The following MSI1 variants were observed in gnomAD, a reference collection of about 807,000 sequenced individuals.
The protein encoded by MSI1 is RNA-binding protein Musashi homolog 1.
A neutral mutation model predicts 54.4 loss-of-function variants in MSI1; 15 were observed. The ratio of observed to expected loss-of-function variants is 0.28; its 90% CI spans 0.18 to 0.42. The LOEUF (loss-of-function observed/expected upper bound fraction) is 0.42, where lower values mean the gene tolerates loss of function less well. Among genes scored for constraint, MSI1 ranks in the 20% least tolerant of loss-of-function variants. The pLI is 1.00. For synonymous variants in MSI1, 200 were observed against 196.5 expected, an observed-to-expected ratio of 1.02 and a Z score of -0.15; for missense variants, 304 against 506.0, an observed-to-expected ratio of 0.60 and a Z score of 3.83.
At chr12:120,355,268 G>A (rs1159234395) in intron 9 of MSI1, among the ~76,000 whole-genome samples, 4 of 151,620 alleles carry the variant, frequency 2.6e-5, no homozygotes, top group South Asian at 2.1e-4. Flanking sequence ...AGCTGGGCAC[G>A]GTGGCGGGCG....
At position 120,354,713 on chromosome 12, in the gene MSI1, G is replaced by A. The variant is rs114813875; in HGVS notation, c.653-1334C>T. Reference sequence around the variant, plus strand: ...CCCAAAGTGCTGGGATTACAGGCGTGAGCCAAGGTGCCTAACTTCTTTTTC... The same window carrying A: ...CCCAAAGTGCTGGGATTACAGGCGTAAGCCAAGGTGCCTAACTTCTTTTTC... On this transcript the variant is annotated intron_variant, in intron 9 of 14. Transcript: ENST00000257552. Among the ~76,000 whole-genome samples, 1,068 of 152,326 alleles carry A rather than the reference G, an allele frequency of 7.0e-3. 11 individuals are homozygous for A. Among genetic ancestry groups the A allele is most frequent in the African/African-American group, 0.024 (1,007 of 41,570 alleles).
At chr12:120,347,031 C>T (rs1175501504) in intron 12 of MSI1, among the ~76,000 whole-genome samples, 1 of 152,020 alleles carries the variant, frequency 6.6e-6, no homozygotes, top group Non-Finnish European at 1.5e-5. Context: ...CTCACTGCAA[C>T]CTCCGCCTCC....
chr12:120,365,332 G>A (rs893424740), intron 4 of MSI1, among the ~76,000 whole-genome samples: 2 of 152,144 alleles, frequency 1.3e-5, no homozygotes, highest in Non-Finnish European at 2.9e-5. Context: ...AAGTTCACCT[G>A]CAAAATGGGC....
At chr12:120,360,433 G>A (rs1875535083) in intron 6 of MSI1, among the ~76,000 whole-genome samples, 1 of 152,158 alleles carries the variant, frequency 6.6e-6, no homozygotes. Context: ...AGGCAACAAG[G>A]TCCCTGGAGA....
At chr12:120,351,443 C>T (rs769887827) in intron 10 of MSI1, 43 bp from the exon 11 acceptor site, 2 of 1,593,180 alleles carry the variant, frequency 1.3e-6, no homozygotes, top group Non-Finnish European at 1.7e-6. Context: ...GCAGGGGAGG[C>T]CCCTTGGACA....
intron 14 of MSI1, among the ~76,000 whole-genome samples, chr12:120,344,202 C>T (rs189384977): frequency 1.3e-4 from 20 of 152,302 alleles, no homozygotes; most frequent in Admixed American, 8.5e-4. Context: ...TGTACACACA[C>T]TAATTTGTTT....
At chr12:120,354,296 T>C (rs980037274) in intron 9 of MSI1, among the ~76,000 whole-genome samples, 1 of 152,208 alleles carries the variant, frequency 6.6e-6, no homozygotes, top group African/African-American at 2.4e-5. Context: ...ATGATTTCTT[T>C]AAGTGCTGAT....
intron 9 of MSI1, among the ~76,000 whole-genome samples, chr12:120,355,701 G>C (rs1359129786): frequency 1.3e-5 from 2 of 152,346 alleles, no homozygotes; most frequent in African/African-American, 4.8e-5. Context: ...TCTGATAACA[G>C]GGTATATGGA....
intron 4 of MSI1, among the ~76,000 whole-genome samples, chr12:120,365,501 C>T (rs868474102): frequency 1.3e-5 from 2 of 152,168 alleles, no homozygotes; most frequent in African/African-American, 4.8e-5. Context: ...GCCTTCCTTG[C>T]GTAACTGACT....
chr12:120,347,382 T>G (rs1315057067), intron 12 of MSI1, 64 bp downstream of exon 12: 4 of 1,590,148 alleles, frequency 2.5e-6, no homozygotes, highest in Non-Finnish European at 3.4e-6. Context: ...CCTTCTCCCC[T>G]CCCCTGGACT....
At chr12:120,362,900 G>A in intron 6 of MSI1, 143 bp downstream of exon 6, 1 of 701,412 alleles carries the variant, frequency 1.4e-6, no homozygotes, top group Non-Finnish European at 2.5e-6. Flanking sequence ...AGGTGGATTG[G>A]CCTGGTCTGC....
chr12:120,344,898 C>A (rs558204442), intron 14 of MSI1, among the ~76,000 whole-genome samples: 1 of 151,694 alleles, frequency 6.6e-6, no homozygotes, highest in South Asian at 2.1e-4. Context: ...TGCCTGTAAT[C>A]CCAGCTACTC....
intron 12 of MSI1, among the ~76,000 whole-genome samples, chr12:120,347,106 C>T (rs1403936744): frequency 7.9e-5 from 12 of 152,188 alleles, no homozygotes; most frequent in East Asian, 1.9e-4. Flanking sequence ...CGCACCACCA[C>T]GCCCAGCTAA....
downstream of MSI1, among the ~76,000 whole-genome samples, chr12:120,341,161 C>T (rs751505442): frequency 5.3e-5 from 8 of 152,202 alleles, no homozygotes; most frequent in Non-Finnish European, 1.0e-4. Flanking sequence ...GCTGGGATTA[C>T]AGGCATGAGC....
At position 120,351,709 on chromosome 12, in the gene MSI1, CTCT is replaced by C. The variant is rs1216718406; in HGVS notation, c.734-312_734-310del. On this transcript the variant is annotated intron_variant, in intron 10 of 14. Coordinates refer to ENST00000257552, the MANE Select transcript of MSI1 (RefSeq NM_002442.4). ...GTTTCTTTTCTTTTTCTTTCTTTCTCTCTTTTTTTTTTTTTTTGAAATGGAGTC... is the reference window on the plus strand; with the variant it reads ...GTTTCTTTTCTTTTTCTTTCTTTCTCTTTTTTTTTTTTTTGAAATGGAGTC... Among the ~76,000 whole-genome samples, 9 of 117,370 alleles carry C rather than the reference CTCT, an allele frequency of 7.7e-5. No homozygotes were observed. In the South Asian group the frequency reaches 9.6e-4, roughly 13 times the overall value. The allele number at this position is 117,370 out of a possible 152,430, so 77.0% of individuals were successfully genotyped here.
chr12:120,368,722 A>G lies in MSI1; in HGVS notation c.100+111T>C, dbSNP rs1304630511. The G allele has an allele frequency of 9.1e-6, 9 of 992,988 alleles. No individual in the cohort carries two copies. Among genetic ancestry groups the G allele is most frequent in the African/African-American group, 1.7e-5 (1 of 57,716 alleles). The allele number at this position is 992,988 out of a possible 1,614,324, so 61.5% of individuals were successfully genotyped here. A position where few individuals can be genotyped will look rare whatever the true frequency, so the allele number is the denominator to read the frequency against. The stretch of plus-strand genomic sequence containing the variant: ...CGGGCGGGGCGCGAAAGAGGGCGCG[A>G]GGGCGCCCGGGGTCAGCAGGGCGCA... On this transcript the variant is annotated intron_variant, in intron 2 of 14. Transcript: ENST00000257552. This position sits in a 1 kb window ranked among gnomAD's most constrained non-coding sequence, Gnocchi z 6.6.
intron 14 of MSI1, among the ~76,000 whole-genome samples, chr12:120,344,414 T>A (rs1205217230): frequency 6.6e-6 from 1 of 152,122 alleles, no homozygotes; most frequent in African/African-American, 2.4e-5. Flanking sequence ...ACTTAAAAAA[T>A]CTTTGTGGCT....
intron 4 of MSI1, among the ~76,000 whole-genome samples, chr12:120,367,315 T>C (rs1171665534): frequency 1.3e-5 from 2 of 152,180 alleles, no homozygotes; most frequent in Non-Finnish European, 2.9e-5. Flanking sequence ...CCATCTGCCC[T>C]GGAGCCAGCG....
intron 10 of MSI1, among the ~76,000 whole-genome samples, chr12:120,351,944 G>A (rs573577677): frequency 6.7e-6 from 1 of 150,076 alleles, no homozygotes; most frequent in South Asian, 2.1e-4. Flanking sequence ...TCCTGACCTC[G>A]TGATCCGCCC....
Sources: gnomAD v4.1 joint callset for allele counts (sites outside exome capture counted in the v4.1 genomes callset) on GRCh38, gnomAD v4.1.1 for gene constraint, Gnocchi (gnomAD v3.1) non-coding constraint, MANE v1.5 for transcripts, NCBI Gene and HGNC (gene_info 2026-07-23, HGNC 2026-07-21) for gene names.